PLAC9: variants seen among roughly 807,000 people sequenced by gnomAD.
The protein encoded by PLAC9 is placenta-specific protein 9.
PLAC9 carries 12 observed loss-of-function variants against 11.5 expected under a neutral mutation model. That is an observed-to-expected ratio of 1.05 (90% CI 0.67 to 1.69). The LOEUF (loss-of-function observed/expected upper bound fraction) is 1.69, where lower values mean the gene tolerates loss of function less well. Among genes scored for constraint, PLAC9 ranks in the 40% most tolerant of loss-of-function variants. PLAC9 has a pLI of 0.00. For missense variants in PLAC9, 132 were observed against 130.5 expected, an observed-to-expected ratio of 1.01 and a Z score of -0.06; for synonymous variants, 62 against 58.1, an observed-to-expected ratio of 1.07 and a Z score of -0.31.
intron 3 of PLAC9, 102 bp from the exon 4 acceptor site, chr10:80,144,798 C>G: frequency 8.1e-7 from 1 of 1,240,590 alleles, no homozygotes; most frequent in Non-Finnish European, 1.1e-6. Context: ...CGCAGTAGTT[C>G]CTGGGGGCCG....
chr10:80,142,315 T>G, intron 2 of PLAC9, 136 bp downstream of exon 2: 1 of 661,396 alleles, frequency 1.5e-6, no homozygotes, highest in South Asian at 2.2e-5. Flanking sequence ...TCGTCCAACA[T>G]CACCCTCCCA....
At chr10:80,142,018 A>T in intron 1 of PLAC9, 64 bp from the exon 2 acceptor site, 2 of 1,398,964 alleles carry the variant, frequency 1.4e-6, no homozygotes, top group Non-Finnish European at 2.0e-6. Flanking sequence ...CCCAGTGTTT[A>T]CAGGAGTCTC....
In PLAC9 at chr10:80,140,256, C is replaced by T. The variant is rs117606733; in HGVS notation, c.65-1826C>T. 9.0e-4 allele frequency among the ~76,000 whole-genome samples: 137 copies of T among 152,240 alleles called. No individual in the cohort carries two copies. The East Asian group carries it at 0.016, about 18-fold the overall frequency. On this transcript the variant is annotated intron_variant, in intron 1 of 3. Coordinates refer to ENST00000372263, the MANE Select transcript of PLAC9 (RefSeq NM_001012973.3). Reference sequence around the variant, plus strand: ...TGACAACCATAAATACTCCTCTAGACCTTGCGATCCAATCTCCCTTCCTTC... The same window carrying T: ...TGACAACCATAAATACTCCTCTAGATCTTGCGATCCAATCTCCCTTCCTTC...
At chr10:80,132,024 G>A (rs1844918356), upstream of PLAC9, among the ~76,000 whole-genome samples, 1 of 152,246 alleles carries the variant, frequency 6.6e-6, no homozygotes, top group African/African-American at 2.4e-5. Flanking sequence ...ATGTCCCATA[G>A]GGGAAGTTTC....
At chr10:80,134,457 T>C (rs1459763821) in intron 1 of PLAC9, among the ~76,000 whole-genome samples, 3 of 152,034 alleles carry the variant, frequency 2.0e-5, no homozygotes, top group Non-Finnish European at 4.4e-5. Context: ...AGAGATAGGG[T>C]TTCACCATGT....
upstream of PLAC9, chr10:80,132,467 C>T: frequency 2.6e-6 from 1 of 385,812 alleles, no homozygotes. Context: ...CAATGCCCCC[C>T]GCCCCGCCTT....
In PLAC9 at chr10:80,145,128, A is replaced by T. The variant is rs1845088812; in HGVS notation, c.*218A>T. On this transcript the variant is annotated 3_prime_UTR_variant, in exon 4 of 4. Transcript: ENST00000372263. ...AGCCTGCAACCCCCTCCAGGCTCAG[A>T]CCTGGGGACACCCCCACTCCTGTCA... The T allele has an allele frequency of 1.5e-6, 1 of 687,658 alleles. No homozygotes were observed. The highest frequency in any genetic ancestry group is 2.6e-6 in the Non-Finnish European group (1 of 385,052). The allele number at this position is 687,658 out of a possible 1,614,324, so 42.6% of individuals were successfully genotyped here. A position where few individuals can be genotyped will look rare whatever the true frequency, so the allele number is the denominator to read the frequency against.
In PLAC9 at chr10:80,144,957, C is replaced by T. The variant is rs1329315085; in HGVS notation, c.*47C>T. ...AGTTGGAGGTGGTGCACCTGCCAGG[C>T]AGCGCCCACAGAACCAGCCCTGTCC... On this transcript the variant is annotated 3_prime_UTR_variant, in exon 4 of 4. Transcript: ENST00000372263. 1 of 1,561,514 alleles carries T rather than the reference C, an allele frequency of 6.4e-7. No individual in the cohort carries two copies. Among genetic ancestry groups the T allele is most frequent in the Non-Finnish European group, 8.7e-7 (1 of 1,151,538 alleles).
chr10:80,131,971 T>A (rs1844917896), upstream of PLAC9: 1 of 152,252 alleles, frequency 6.6e-6, no homozygotes, highest in Non-Finnish European at 1.5e-5. Context: ...TTGCTTTGTG[T>A]TTTTACTAAA....
upstream of PLAC9, chr10:80,132,706 G>C: frequency 7.2e-7 from 1 of 1,392,260 alleles, no homozygotes; most frequent in East Asian, 3.0e-5. Flanking sequence ...GGCCGGGTGC[G>C]ATCCGGGAAG....
At chr10:80,141,613 A>C (rs1250941472) in intron 1 of PLAC9, among the ~76,000 whole-genome samples, 1 of 151,856 alleles carries the variant, frequency 6.6e-6, no homozygotes, top group Admixed American at 6.6e-5. Context: ...CAAACAAACA[A>C]ACACACAAAA....
intron 1 of PLAC9, among the ~76,000 whole-genome samples, chr10:80,140,808 T>A (rs1182917088): frequency 6.6e-6 from 1 of 152,134 alleles, no homozygotes; most frequent in Non-Finnish European, 1.5e-5. Context: ...GGATTACAGG[T>A]GTGAGCCACC....
At chr10:80,142,302 A>T in intron 2 of PLAC9, 123 bp downstream of exon 2, 1 of 710,246 alleles carries the variant, frequency 1.4e-6, no homozygotes, top group Non-Finnish European at 2.2e-6. Context: ...CCCTGTGGCC[A>T]CCTCGTCCAA....
At chr10:80,141,310 C>T (rs1194052309) in intron 1 of PLAC9, among the ~76,000 whole-genome samples, 2 of 152,056 alleles carry the variant, frequency 1.3e-5, no homozygotes, top group Admixed American at 1.3e-4. Flanking sequence ...TTAAAATAAC[C>T]CCCCTTGGCC....
At chr10:80,140,336 C>T (rs1351125372) in intron 1 of PLAC9, among the ~76,000 whole-genome samples, 2 of 152,202 alleles carry the variant, frequency 1.3e-5, no homozygotes, top group African/African-American at 2.4e-5. Flanking sequence ...CCAACCTCAC[C>T]TTCCCTCCTC....
At chr10:80,133,914 A>G (rs1844942520) in intron 1 of PLAC9, among the ~76,000 whole-genome samples, 1 of 147,100 alleles carries the variant, frequency 6.8e-6, no homozygotes, top group Non-Finnish European at 1.5e-5. Flanking sequence ...ACCGCAATCC[A>G]GCCTGGGTGA....
Position 80,145,347 on chromosome 10 carries a change from T to C in PLAC9, c.*437T>C, listed in dbSNP as rs577979318. 8.4e-6 allele frequency: 2 copies of C among 239,306 alleles called. No homozygotes were observed. Among genetic ancestry groups the C allele is most frequent in the East Asian group, 2.8e-4 (2 of 7,026 alleles). 14.8% of individuals were successfully genotyped at this position (239,306 alleles called of 1,614,324 possible). A position where few individuals can be genotyped will look rare whatever the true frequency, so the allele number is the denominator to read the frequency against. On this transcript the variant is annotated 3_prime_UTR_variant, in exon 4 of 4. Transcript: ENST00000372263. ...ATGTGTCCATTAAAGTGGTTTGTTG[T>C]TGTTTTTAAAAATTTTTCCTATGAA...
intron 2 of PLAC9, 119 bp downstream of exon 2, chr10:80,142,298 G>C: frequency 9.0e-6 from 7 of 775,542 alleles, no homozygotes; most frequent in Non-Finnish European, 1.4e-5. Flanking sequence ...CCTGCCCTGT[G>C]GCCACCTCGT....
chr10:80,141,083 C>A (rs1845035360), intron 1 of PLAC9, among the ~76,000 whole-genome samples: 1 of 152,142 alleles, frequency 6.6e-6, no homozygotes, highest in Admixed American at 6.5e-5. Flanking sequence ...TCATCACATG[C>A]CAGCTGTTAC....
Sources: gnomAD v4.1 joint callset for allele counts (sites outside exome capture counted in the v4.1 genomes callset) on GRCh38, gnomAD v4.1.1 for gene constraint, MANE v1.5 for transcripts, NCBI Gene and HGNC (gene_info 2026-07-23, HGNC 2026-07-21) for gene names.